LRP1B: variants seen among roughly 807,000 people sequenced by gnomAD.
The protein encoded by LRP1B is low-density lipoprotein receptor-related protein 1B.
A neutral mutation model predicts 556.6 loss-of-function variants in LRP1B; 217 were observed. The ratio of observed to expected loss-of-function variants is 0.39; its 90% confidence interval spans 0.35 to 0.44. The LOEUF (loss-of-function observed/expected upper bound fraction) is 0.44. LRP1B is among the 20% of genes least tolerant of loss of function. The pLI is 1.00. For synonymous variants in LRP1B, 2,047 were observed against 1,865.8 expected, an observed-to-expected ratio of 1.10 and a Z score of -2.50; for missense variants, 5,053 against 5,620.8, an observed-to-expected ratio of 0.90 and a Z score of 3.23.
At chr2:141,126,432 T>C (rs1701213885) in intron 7 of LRP1B, among the ~76,000 whole-genome samples, 1 of 152,198 alleles carries the variant, frequency 6.6e-6, no homozygotes, top group African/African-American at 2.4e-5. Flanking sequence ...TTCCAGATTA[T>C]TTTCCTTCCC....
chr2:141,538,296 A>G (rs368710324), intron 2 of LRP1B, among the ~76,000 whole-genome samples: 2 of 152,152 alleles, frequency 1.3e-5, no homozygotes, highest in Admixed American at 6.6e-5. Context: ...TGATATGTCA[A>G]TCTATCTTTA....
chr2:140,597,848 C>G (rs1682504999), intron 43 of LRP1B, among the ~76,000 whole-genome samples: 1 of 152,110 alleles, frequency 6.6e-6, no homozygotes, highest in South Asian at 2.1e-4. Flanking sequence ...CTATCTGGCC[C>G]TTTAAGAAAA....
At chr2:141,256,213 A>G (rs2105343481) in intron 3 of LRP1B, among the ~76,000 whole-genome samples, 1 of 152,154 alleles carries the variant, frequency 6.6e-6, no homozygotes, top group Non-Finnish European at 1.5e-5. Flanking sequence ...TTGAGTTGGG[A>G]CTTAAAAGTA....
chr2:140,297,210 C>G (rs991704933), intron 84 of LRP1B, among the ~76,000 whole-genome samples: 1 of 151,988 alleles, frequency 6.6e-6, no homozygotes, highest in East Asian at 1.9e-4. Context: ...TGTGAGTTTG[C>G]GGCAGCTCTC....
chr2:140,253,848 C>A (rs923039400), intron 86 of LRP1B, among the ~76,000 whole-genome samples: 10 of 152,062 alleles, frequency 6.6e-5, no homozygotes, highest in Non-Finnish European at 1.2e-4. Flanking sequence ...TTACATTAGA[C>A]ACACTGGTTA....
rs529295871 is a variant in LRP1B, at chr2:141,668,618, C to T, written c.205+141661G>A. 1.2e-4 allele frequency among the ~76,000 whole-genome samples: 18 copies of T among 152,248 alleles called. No individual in the cohort carries two copies. The South Asian group carries it at 2.3e-3, about 19-fold the overall frequency. On this transcript the variant is annotated intron_variant, in intron 2 of 90. Transcript: ENST00000389484. ...TCTTCCCACTCTATCCTCTTTCCAG[C>T]TCCCTGTCCATCTCACTGAGAGCCT...
At chr2:141,221,288 TAAAAA>T (rs3063857) in intron 6 of LRP1B, among the ~76,000 whole-genome samples, 3,093 of 131,170 alleles carry the variant, frequency 0.024, 51 homozygotes, top group Middle Eastern at 0.045. Context: ...CCAACAAAGA[TAAAAA>T]AAAAAAAAAA....
intron 2 of LRP1B, among the ~76,000 whole-genome samples, chr2:141,716,510 T>C (rs1262080905): frequency 6.6e-6 from 1 of 152,086 alleles, no homozygotes; most frequent in African/African-American, 2.4e-5. Context: ...AAATACATCA[T>C]TTAAAGTAAT....
intron 52 of LRP1B, among the ~76,000 whole-genome samples, chr2:140,509,717 G>A (rs1241691396): frequency 3.9e-5 from 6 of 152,308 alleles, no homozygotes; most frequent in South Asian, 2.1e-4. Context: ...TGGGTAATCC[G>A]ACTGTGCATG....
chr2:141,492,091 A>AAAAAAAACC (rs67960557), intron 2 of LRP1B, among the ~76,000 whole-genome samples: 2 of 100,194 alleles, frequency 2.0e-5, no homozygotes, highest in African/African-American at 3.9e-5. Context: ...AAAAAAAAAA[A>AAAAAAAACC]CACTAAGAAA....
intron 2 of LRP1B, among the ~76,000 whole-genome samples, chr2:141,504,628 T>C (rs1683854376): frequency 6.6e-6 from 1 of 152,084 alleles, no homozygotes; most frequent in South Asian, 2.1e-4. Context: ...ACAATGTGGG[T>C]GCCCAAGGAG....
chr2:140,234,411 C>T (rs552071916), intron 90 of LRP1B, among the ~76,000 whole-genome samples: 2 of 150,948 alleles, frequency 1.3e-5, no homozygotes, highest in Admixed American at 6.6e-5. Flanking sequence ...TTTAACTGCA[C>T]GTCAAATTTG....
At chr2:142,090,381 A>T (rs575436350) in intron 1 of LRP1B, among the ~76,000 whole-genome samples, 1 of 152,118 alleles carries the variant, frequency 6.6e-6, no homozygotes, top group South Asian at 2.1e-4. Context: ...CATTTTACAG[A>T]TGAAAAAGTC....
At chr2:140,368,974 A>G (rs1682875054) in intron 71 of LRP1B, among the ~76,000 whole-genome samples, 1 of 151,858 alleles carries the variant, frequency 6.6e-6, no homozygotes, top group Non-Finnish European at 1.5e-5. Flanking sequence ...AATGGAGGGG[A>G]AAGGGGCTTT....
Position 141,440,177 on chromosome 2 carries a change from A to T in LRP1B, c.343+40219T>A, listed in dbSNP as rs542300207. ...TTTTACAAAGGAGCAGAGCTGGACTAAGTGGTTTGAGCAAAGGCGAGGAGT... is the reference window on the plus strand; with the variant it reads ...TTTTACAAAGGAGCAGAGCTGGACTTAGTGGTTTGAGCAAAGGCGAGGAGT... On this transcript the variant is annotated intron_variant, in intron 3 of 90. Transcript: ENST00000389484. Among the ~76,000 whole-genome samples, 11 of 152,322 alleles carry T rather than the reference A, an allele frequency of 7.2e-5. No homozygotes were observed. The East Asian group carries it at 2.1e-3, about 29-fold the overall frequency.
In LRP1B at chr2:141,178,263, A is replaced by G. The variant is rs770091346; in HGVS notation, c.1013+10158T>C. 7.2e-5 allele frequency among the ~76,000 whole-genome samples: 11 copies of G among 152,242 alleles called. No homozygotes were observed. In the South Asian group the frequency reaches 2.3e-3, roughly 32 times the overall value. On this transcript the variant is annotated intron_variant, in intron 7 of 90. Coordinates refer to ENST00000389484, the MANE Select transcript of LRP1B (RefSeq NM_018557.3). ...CTATTGGAAGCACAGCTTAAGGAGA[A>G]CAAAGACAACGGGGAATCTCACAGA...
intron 41 of LRP1B, among the ~76,000 whole-genome samples, chr2:140,618,930 C>CTAAT (rs2105244889): frequency 6.6e-6 from 1 of 152,206 alleles, no homozygotes. Flanking sequence ...AATGGGACCT[C>CTAAT]TAATTCCTGC....
chr2:140,520,250 G>A (rs1690101908), intron 49 of LRP1B, among the ~76,000 whole-genome samples: 1 of 152,026 alleles, frequency 6.6e-6, no homozygotes, highest in Non-Finnish European at 1.5e-5. Flanking sequence ...ATGTGCACAT[G>A]TACACCATGG....
chr2:140,510,474 A>G (rs985629277), intron 51 of LRP1B, among the ~76,000 whole-genome samples: 3 of 152,212 alleles, frequency 2.0e-5, no homozygotes, highest in African/African-American at 7.2e-5. Context: ...ATTCCTTACA[A>G]TAAGCCCAAC....
Sources: gnomAD v4.1 joint callset for allele counts (sites outside exome capture counted in the v4.1 genomes callset) on GRCh38, gnomAD v4.1.1 for gene constraint, MANE v1.5 for transcripts, NCBI Gene and HGNC (gene_info 2026-07-23, HGNC 2026-07-21) for gene names.